The following DUSP14 variants were observed in gnomAD, a reference collection of about 807,000 sequenced individuals.
DUSP14 encodes dual specificity phosphatase 14.
A neutral mutation model predicts 13.2 loss-of-function variants in DUSP14; 5 were observed. That is an observed-to-expected ratio of 0.38 (90% confidence interval 0.20 to 0.80). DUSP14 has a LOEUF of 0.80. Ranked by LOEUF, DUSP14 falls within the 30% of genes least tolerant of loss-of-function variation. DUSP14 has a pLI of 0.44. For missense variants in DUSP14, 185 were observed against 264.0 expected (o/e 0.70, Z 2.07); for synonymous variants, 91 against 103.4 (o/e 0.88, Z 0.73).
intron 1 of DUSP14, among the ~76,000 whole-genome samples, chr17:37,495,723 G>A (rs994537264): frequency 2.6e-5 from 4 of 151,568 alleles, no homozygotes; most frequent in East Asian, 3.9e-4. Flanking sequence ...GCAGTGGCGC[G>A]ATCTCGGCTC....
At chr17:37,511,921 A>AC (rs71135738) in intron 2 of DUSP14, among the ~76,000 whole-genome samples, 32 of 49,480 alleles carry the variant, frequency 6.5e-4, no homozygotes, top group African/African-American at 1.2e-3. Context: ...ATGCCCAGCC[A>AC]CCCCCCCCCC....
intron 1 of DUSP14, among the ~76,000 whole-genome samples, chr17:37,509,140 C>CTGTATATATATATGT: frequency 2.7e-5 from 1 of 36,502 alleles, no homozygotes; most frequent in African/African-American, 1.8e-4. Context: ...CACACACACA[C>CTGTATATATATATGT]ACACACACAC....
In DUSP14 at chr17:37,512,530, T is replaced by C; in HGVS notation, c.258T>C (p.Ile86=). The stretch of plus-strand genomic sequence containing the variant: ...TGGCTGACATGCCGCATGCCCCCAT[T>C]GGACTGTACTTTGACACCGTGGCTG... The part of the protein sequence containing the change: ...VPLADMPHAP[I]GLYFDTVADK... The change falls in exon 3 of 3, where the codon ATT becomes ATC. Residue 86 remains isoleucine (I), a synonymous_variant. Coordinates refer to ENST00000617516, the MANE Select transcript of DUSP14 (RefSeq NM_007026.4). The surrounding 1 kb of genome is among the most constrained non-coding windows in gnomAD (Gnocchi z 4.8). The C allele has an allele frequency of 6.2e-7, 1 of 1,614,112 alleles. No homozygotes were observed. Among genetic ancestry groups the C allele is most frequent in the South Asian group, 1.1e-5 (1 of 91,072 alleles).
In DUSP14 at chr17:37,511,937, A is replaced by AGTT. The variant is rs1329764853; in HGVS notation, c.-92-244_-92-243insGTT. On this transcript the variant is annotated intron_variant, in intron 2 of 2. Coordinates refer to ENST00000617516, the MANE Select transcript of DUSP14 (RefSeq NM_007026.4). ...TGCCCAGCCACCCCCCCCCCACCCC[A>AGTT]CTTTTTTTTTTTTTTTTTTGGACAA... is the stretch of plus-strand genomic sequence containing the variant. 6.1e-4 allele frequency among the ~76,000 whole-genome samples: 10 copies of AGTT among 16,436 alleles called. 1 individual carries two copies. The highest frequency in any genetic ancestry group is 2.5e-3 in the Admixed American group (3 of 1,216). 10.8% of individuals were successfully genotyped at this position (16,436 alleles called of 152,430 possible). A position where few individuals can be genotyped will look rare whatever the true frequency, so the allele number is the denominator to read the frequency against.
At position 37,512,831 on chromosome 17, in the gene DUSP14, A is replaced by AAGG; in HGVS notation, c.562_564dup (p.Glu188dup). On this transcript the variant is annotated inframe_insertion, in exon 3 of 3. Coordinates refer to ENST00000617516, the MANE Select transcript of DUSP14 (RefSeq NM_007026.4). The surrounding 1 kb of genome is among the most constrained non-coding windows in gnomAD (Gnocchi z 4.8). ...TGGCATAGTTCCCGACGTCTATGAGAAGGAGTCCCGACACCTGATGCCTTA... is the reference window on the plus strand; with the variant it reads ...TGGCATAGTTCCCGACGTCTATGAGAAGGAGGAGTCCCGACACCTGATGCCTTA... 1 of 1,610,082 alleles carries AAGG rather than the reference A, an allele frequency of 6.2e-7. No individual in the cohort carries two copies. The highest frequency in any genetic ancestry group is 8.5e-7 in the Non-Finnish European group (1 of 1,177,066).
At chr17:37,498,915 T>G (rs2143073230) in intron 1 of DUSP14, among the ~76,000 whole-genome samples, 1 of 152,276 alleles carries the variant, frequency 6.6e-6, no homozygotes, top group South Asian at 2.1e-4. Context: ...GCCCAGGTGA[T>G]TCTCGTGTAG....
At chr17:37,504,055 G>A (rs539627726) in intron 1 of DUSP14, among the ~76,000 whole-genome samples, 19 of 152,312 alleles carry the variant, frequency 1.2e-4, no homozygotes, top group African/African-American at 4.3e-4. Context: ...TTAGCCAGGT[G>A]TGGTGGTGTA....
At chr17:37,501,372 A>G (rs1018477636) in intron 1 of DUSP14, among the ~76,000 whole-genome samples, 9 of 152,208 alleles carry the variant, frequency 5.9e-5, no homozygotes, top group African/African-American at 1.9e-4. Context: ...GTCTTGGAAT[A>G]GAGCCTGCGT....
At chr17:37,497,591 G>C (rs1316640710) in intron 1 of DUSP14, among the ~76,000 whole-genome samples, 1 of 151,910 alleles carries the variant, frequency 6.6e-6, no homozygotes, top group Admixed American at 6.6e-5. Flanking sequence ...GCAAAACCCT[G>C]TCTCTACAAA....
chr17:37,502,238 G>C (rs1208599245), intron 1 of DUSP14, among the ~76,000 whole-genome samples: 4 of 151,960 alleles, frequency 2.6e-5, no homozygotes, highest in African/African-American at 9.7e-5. Flanking sequence ...CTGGAGTGCA[G>C]TGGTGCAATC....
intron 1 of DUSP14, among the ~76,000 whole-genome samples, chr17:37,509,117 A>ATGTGTGTGTATATATATATATATATG (rs1315485762): frequency 1.2e-4 from 5 of 40,796 alleles, no homozygotes; most frequent in African/African-American, 5.7e-4. Flanking sequence ...ATATATATAT[A>ATGTGTGTGTATATATATATATATATG]TATATATATA....
chr17:37,489,859 G>A (rs1033788669), upstream of DUSP14: 1 of 147,764 alleles, frequency 6.8e-6, no homozygotes, highest in Non-Finnish European at 1.5e-5. Flanking sequence ...CGGGCGGAGG[G>A]AGGAGGAGGC....
At chr17:37,490,919 C>G (rs1427285686) in intron 1 of DUSP14, among the ~76,000 whole-genome samples, 1 of 152,148 alleles carries the variant, frequency 6.6e-6, no homozygotes, top group Admixed American at 6.5e-5. Context: ...AACCCAGAGT[C>G]TCCTGGAATT....
At chr17:37,503,854 C>G (rs2054120519) in intron 1 of DUSP14, among the ~76,000 whole-genome samples, 1 of 152,128 alleles carries the variant, frequency 6.6e-6, no homozygotes, top group African/African-American at 2.4e-5. Context: ...TACTGCCCCT[C>G]TCCTTCTTGG....
In DUSP14 at chr17:37,513,162, C is replaced by T. The variant is rs1292403380; in HGVS notation, c.*293C>T. The T allele has an allele frequency of 1.3e-5, 5 of 394,152 alleles. No homozygotes were observed. The East Asian group carries it at 1.8e-4, about 14-fold the overall frequency. 24.4% of individuals were successfully genotyped at this position (394,152 alleles called of 1,614,324 possible). A position where few individuals can be genotyped will look rare whatever the true frequency, so the allele number is the denominator to read the frequency against. On this transcript the variant is annotated 3_prime_UTR_variant, in exon 3 of 3. Transcript: ENST00000617516. ...TTTAATAAACTGGTTCTGCTCTCTT[C>T]TGAATCTCATGCCTTTGGCACCTTG... is the stretch of plus-strand genomic sequence containing the variant.
At position 37,513,404 on chromosome 17, in the gene DUSP14, T is replaced by A. The variant is rs1454267197; in HGVS notation, c.*535T>A. The A allele has an allele frequency of 1.8e-5, 3 of 167,742 alleles. No individual in the cohort carries two copies. The highest frequency in any genetic ancestry group is 7.2e-5 in the African/African-American group (3 of 41,470). The allele number at this position is 167,742 out of a possible 1,614,324, so 10.4% of individuals were successfully genotyped here. A position where few individuals can be genotyped will look rare whatever the true frequency, so the allele number is the denominator to read the frequency against. ...ACACCCTTATTATTTAGCTGTTAAG[T>A]AACTATAATGAAATCTGCTGCAAAA... On this transcript the variant is annotated 3_prime_UTR_variant, in exon 3 of 3. Coordinates refer to ENST00000617516, the MANE Select transcript of DUSP14 (RefSeq NM_007026.4).
chr17:37,504,862 T>A (rs2054127891), intron 1 of DUSP14, among the ~76,000 whole-genome samples: 1 of 152,212 alleles, frequency 6.6e-6, no homozygotes, highest in Non-Finnish European at 1.5e-5. Context: ...ATTACAGTTG[T>A]GAGCCACTGT....
At position 37,512,353 on chromosome 17, in the gene DUSP14, T is replaced by G. The variant is rs1409462252; in HGVS notation, c.81T>G (p.Ile27Met). 1 of 1,614,072 alleles carries G rather than the reference T, an allele frequency of 6.2e-7. No individual in the cohort carries two copies. The highest frequency in any genetic ancestry group is 8.5e-7 in the Non-Finnish European group (1 of 1,179,980). ...TTTCCGAGGGAGACATAGGAGGCAT[T>G]GCTCAAATCACCTCCTCTCTATTCC... is the stretch of plus-strand genomic sequence containing the variant. The part of the protein sequence containing the change: ...RMISEGDIGG[I>M]AQITSSLFLG... The change falls in exon 3 of 3, where the codon ATT (isoleucine) becomes ATG (methionine). Residue 27 changes from isoleucine (I) to methionine (M), a missense_variant. Physicochemically the swap from Ile to Met is conservative, Grantham distance 10. Coordinates refer to ENST00000617516, the MANE Select transcript of DUSP14 (RefSeq NM_007026.4). This position sits in a 1 kb window ranked among gnomAD's most constrained non-coding sequence, Gnocchi z 4.8.
chr17:37,496,862 G>A (rs1006323979), intron 1 of DUSP14, among the ~76,000 whole-genome samples: 1 of 146,766 alleles, frequency 6.8e-6, no homozygotes, highest in Non-Finnish European at 1.5e-5. Context: ...GTTGCAGTGA[G>A]CAGAGATTGA....
Sources: gnomAD v4.1 joint callset for allele counts (sites outside exome capture counted in the v4.1 genomes callset) on GRCh38, gnomAD v4.1.1 for gene constraint, Gnocchi (gnomAD v3.1) non-coding constraint, MANE v1.5 for transcripts, NCBI Gene and HGNC (gene_info 2026-07-23, HGNC 2026-07-21) for gene names.